Variants in SH3GL2 observed in about 807,000 individuals in gnomAD.
The protein encoded by SH3GL2 is endophilin-A1.
SH3GL2 carries 24 observed loss-of-function variants against 46.0 expected under a neutral mutation model. That is an observed-to-expected ratio of 0.52 (90% CI 0.38 to 0.73). SH3GL2 has a LOEUF of 0.73. Ranked by LOEUF, SH3GL2 falls within the 30% of genes least tolerant of loss-of-function variation. The probability of loss-of-function intolerance (pLI) is 0.00; values close to 1 mark genes in which losing one functional copy is unlikely to be tolerated. For synonymous variants in SH3GL2, 196 were observed against 147.1 expected (o/e 1.33, Z -2.40); for missense variants, 413 against 424.2 (o/e 0.97, Z 0.23).
intron 1 of SH3GL2, among the ~76,000 whole-genome samples, chr9:17,663,831 T>C: frequency 6.6e-6 from 1 of 152,204 alleles, no homozygotes; most frequent in East Asian, 1.9e-4. Flanking sequence ...AAACCTCTTT[T>C]CAGATGAAAT....
intron 1 of SH3GL2, among the ~76,000 whole-genome samples, chr9:17,609,313 T>C (rs1818818152): frequency 6.6e-6 from 1 of 152,068 alleles, no homozygotes; most frequent in African/African-American, 2.4e-5. Context: ...AGAGAAAGTT[T>C]GAGACTTAAG....
At chr9:17,773,155 G>T (rs1446074743) in intron 3 of SH3GL2, among the ~76,000 whole-genome samples, 2 of 152,064 alleles carry the variant, frequency 1.3e-5, no homozygotes, top group Non-Finnish European at 2.9e-5. Context: ...GTCAATTCAA[G>T]CCTTCGCTCA....
chr9:17,644,193 A>AT (rs1278397542), intron 1 of SH3GL2, among the ~76,000 whole-genome samples: 1 of 151,452 alleles, frequency 6.6e-6, no homozygotes, highest in East Asian at 1.9e-4. Context: ...CCTTTATATC[A>AT]TTTTTTATTG....
chr9:17,744,609 C>G (rs1323830476), intron 1 of SH3GL2, among the ~76,000 whole-genome samples: 1 of 152,146 alleles, frequency 6.6e-6, no homozygotes. Flanking sequence ...CTCAAGCGAT[C>G]CTCCTGCCTC....
At chr9:17,754,026 C>G (rs1312750280) in intron 2 of SH3GL2, among the ~76,000 whole-genome samples, 1 of 152,122 alleles carries the variant, frequency 6.6e-6, no homozygotes, top group Non-Finnish European at 1.5e-5. Flanking sequence ...CTATTCTATT[C>G]TGTTGGTTTA....
chr9:17,653,948 A>G (rs1259178505), intron 1 of SH3GL2: 1 of 610,050 alleles, frequency 1.6e-6, no homozygotes, highest in Non-Finnish European at 2.1e-6. Flanking sequence ...ATGACTAGGC[A>G]GATCTTCTTT....
chr9:17,658,121 A>G (rs1401918103), intron 1 of SH3GL2, among the ~76,000 whole-genome samples: 2 of 152,210 alleles, frequency 1.3e-5, no homozygotes, highest in Admixed American at 6.5e-5. Context: ...TGGCATTCAA[A>G]TAATATACTC....
intron 1 of SH3GL2, among the ~76,000 whole-genome samples, chr9:17,668,566 T>C (rs1255864380): frequency 4.6e-5 from 7 of 152,250 alleles, no homozygotes; most frequent in Non-Finnish European, 1.0e-4. Flanking sequence ...AGTTTTTTCC[T>C]ACACTTAAGT....
chr9:17,728,555 C>T lies in SH3GL2; in HGVS notation c.46-18511C>T, dbSNP rs139601669. ...GGTTTGTTACATAGGTATACATGTG[C>T]CATGGTGGTCTGCTGCACCCATCAG... On this transcript the variant is annotated intron_variant, in intron 1 of 8. Coordinates refer to ENST00000380607, the MANE Select transcript of SH3GL2 (RefSeq NM_003026.5). 3.7e-3 allele frequency among the ~76,000 whole-genome samples: 565 copies of T among 152,136 alleles called. 2 individuals carry two copies. Among genetic ancestry groups the T allele is most frequent in the African/African-American group, 0.013 (547 of 41,502 alleles).
At chr9:17,622,127 T>G (rs768914481) in intron 1 of SH3GL2, among the ~76,000 whole-genome samples, 6 of 152,210 alleles carry the variant, frequency 3.9e-5, no homozygotes, top group Non-Finnish European at 8.8e-5. Context: ...CATAAACAGT[T>G]GCTTGTAACC....
intron 1 of SH3GL2, among the ~76,000 whole-genome samples, chr9:17,740,741 CTTTCA>C (rs946112507): frequency 2.0e-5 from 3 of 151,926 alleles, no homozygotes; most frequent in African/African-American, 7.2e-5. Context: ...AAAATTCCAT[CTTTCA>C]TTTAAGACTG....
At chr9:17,629,976 C>T (rs1428496196) in intron 1 of SH3GL2, among the ~76,000 whole-genome samples, 1 of 152,112 alleles carries the variant, frequency 6.6e-6, no homozygotes, top group African/African-American at 2.4e-5. Flanking sequence ...GAAAAAGTGG[C>T]ACGTTTCTGG....
intron 3 of SH3GL2, among the ~76,000 whole-genome samples, chr9:17,764,496 G>T (rs1349609869): frequency 2.6e-5 from 4 of 152,220 alleles, no homozygotes; most frequent in Admixed American, 2.0e-4. Flanking sequence ...GTGAACCCTA[G>T]AGCTGGGCCA....
intron 1 of SH3GL2, among the ~76,000 whole-genome samples, chr9:17,721,629 A>G (rs953130438): frequency 1.3e-5 from 2 of 152,078 alleles, no homozygotes; most frequent in Admixed American, 6.6e-5. Flanking sequence ...GAAAAAAAGT[A>G]TATTTTTATG....
At chr9:17,589,862 C>T (rs562441918) in intron 1 of SH3GL2, 4 of 152,362 alleles carry the variant, frequency 2.6e-5, no homozygotes, top group South Asian at 4.1e-4. Flanking sequence ...GTCTGTGATC[C>T]GTTAGCCCCA....
At chr9:17,636,587 G>A (rs1462736399) in intron 1 of SH3GL2, among the ~76,000 whole-genome samples, 5 of 152,088 alleles carry the variant, frequency 3.3e-5, no homozygotes, top group African/African-American at 1.2e-4. Flanking sequence ...AGGGAAATTA[G>A]GTATCATTTT....
At chr9:17,608,675 A>G (rs368053734) in intron 1 of SH3GL2, among the ~76,000 whole-genome samples, 17 of 152,312 alleles carry the variant, frequency 1.1e-4, no homozygotes, top group African/African-American at 4.1e-4. Flanking sequence ...TGCTTTCATG[A>G]TTCTTCACTG....
chr9:17,636,950 T>C (rs1274685889), intron 1 of SH3GL2, among the ~76,000 whole-genome samples: 1 of 152,196 alleles, frequency 6.6e-6, no homozygotes, highest in Non-Finnish European at 1.5e-5. Flanking sequence ...GTGTGATGTG[T>C]TGTTATTGCT....
intron 1 of SH3GL2, among the ~76,000 whole-genome samples, chr9:17,634,324 G>A (rs539227991): frequency 6.6e-6 from 1 of 151,822 alleles, no homozygotes; most frequent in Non-Finnish European, 1.5e-5. Flanking sequence ...TTAACTATGA[G>A]AAATCAGAAA....
Sources: gnomAD v4.1 joint callset for allele counts (sites outside exome capture counted in the v4.1 genomes callset) on GRCh38, gnomAD v4.1.1 for gene constraint, MANE v1.5 for transcripts, NCBI Gene and HGNC (gene_info 2026-07-23, HGNC 2026-07-21) for gene names.